The following KCNH1 variants were observed in gnomAD, a reference collection of about 807,000 sequenced individuals.
KCNH1 encodes voltage-gated delayed rectifier potassium channel KCNH1.
KCNH1 carries 27 observed loss-of-function variants against 69.2 expected under a neutral mutation model. The observed-to-expected ratio is 0.39, with a 90% confidence interval of 0.29 to 0.54. The LOEUF is 0.54. KCNH1 is among the 20% of genes least tolerant of loss of function. The pLI is 0.68. For missense variants in KCNH1, 798 were observed against 1,261.6 expected, an observed-to-expected ratio of 0.63 and a Z score of 5.57; for synonymous variants, 456 against 487.7, an observed-to-expected ratio of 0.93 and a Z score of 0.86.
At chr1:211,099,213 TCTC>T (rs1288082650) in intron 3 of KCNH1, among the ~76,000 whole-genome samples, 1 of 152,030 alleles carries the variant, frequency 6.6e-6, no homozygotes, top group Admixed American at 6.5e-5. Context: ...CAAGTCGAAA[TCTC>T]CATTATGTAA....
rs1004781392 is a variant in KCNH1 at position 211,013,017 on chromosome 1, T to C, written c.1032+5766A>G. Among the ~76,000 whole-genome samples the C allele has an allele frequency of 2.0e-5, 3 of 152,170 alleles. No homozygotes were observed. In the South Asian group the frequency reaches 6.2e-4, roughly 32 times the overall value. On this transcript the variant is annotated intron_variant, in intron 6 of 10. Coordinates refer to ENST00000271751, the MANE Select transcript of KCNH1 (RefSeq NM_172362.3). ...GCTACAAGGACTGCCTATACAGTAT[T>C]GTTAGAACTCAAAGGGGAAGAAAAG...
chr1:210,704,309 A>G (rs563581901), intron 10 of KCNH1, among the ~76,000 whole-genome samples: 55 of 152,122 alleles, frequency 3.6e-4, no homozygotes, highest in Admixed American at 7.2e-4. Flanking sequence ...CATTTCTAAT[A>G]ACAATCGCCA....
intron 8 of KCNH1, among the ~76,000 whole-genome samples, chr1:210,800,039 A>T (rs1684399567): frequency 6.6e-6 from 1 of 152,234 alleles, no homozygotes. Context: ...ATCTACCAGT[A>T]CACAGCCTGG....
chr1:210,724,419 G>A (rs896153898), intron 10 of KCNH1, among the ~76,000 whole-genome samples: 1 of 152,040 alleles, frequency 6.6e-6, no homozygotes, highest in Admixed American at 6.6e-5. Context: ...TTAGATTCCA[G>A]GCCTCTGCTC....
chr1:211,077,866 C>T lies in KCNH1; in HGVS notation c.558+4914G>A, dbSNP rs752485264. ...AGTGTGCTATATTCAGGAGACCCAT[C>T]TCACATGCAGAGACACATATAGGCT... On this transcript the variant is annotated intron_variant, in intron 5 of 10. Transcript: ENST00000271751. Among the ~76,000 whole-genome samples, 209 of 152,024 alleles carry T rather than the reference C, an allele frequency of 1.4e-3. 1 individual carries two copies. The highest frequency in any genetic ancestry group is 0.01 in the Middle Eastern group (3 of 294).
intron 7 of KCNH1, among the ~76,000 whole-genome samples, chr1:210,856,846 T>C (rs545929369): frequency 8.4e-6 from 1 of 119,734 alleles, no homozygotes; most frequent in African/African-American, 2.9e-5. Context: ...ATATAAAATA[T>C]ATATGTAACC....
At chr1:210,761,518 C>T (rs1006417245) in intron 10 of KCNH1, among the ~76,000 whole-genome samples, 1 of 152,054 alleles carries the variant, frequency 6.6e-6, no homozygotes, top group African/African-American at 2.4e-5. Flanking sequence ...TGTAATGACA[C>T]CCACAGACTC....
At chr1:210,700,618 T>G (rs1479255388) in intron 10 of KCNH1, among the ~76,000 whole-genome samples, 1 of 152,232 alleles carries the variant, frequency 6.6e-6, no homozygotes, top group Non-Finnish European at 1.5e-5. Context: ...AATCTTTTCC[T>G]AATCCAGCAG....
In KCNH1 at chr1:211,060,139, G is replaced by T. The variant is rs945032810; in HGVS notation, c.558+22641C>A. Among the ~76,000 whole-genome samples, 5 of 151,850 alleles carry T rather than the reference G, an allele frequency of 3.3e-5. No homozygotes were observed. In the South Asian group the frequency reaches 1.0e-3, roughly 32 times the overall value. On this transcript the variant is annotated intron_variant, in intron 5 of 10. Transcript: ENST00000271751. ...AAATATGCTCCTAAATGATCAGCGG[G>T]TCAATGAAGAAATGAAGAAGAAAAT... is the stretch of plus-strand genomic sequence containing the variant.
intron 10 of KCNH1, among the ~76,000 whole-genome samples, chr1:210,725,109 A>T (rs543544875): frequency 2.0e-5 from 3 of 152,166 alleles, no homozygotes; most frequent in African/African-American, 7.2e-5. Context: ...CCTTTCTTCT[A>T]TGTCAGACTG....
intron 6 of KCNH1, among the ~76,000 whole-genome samples, chr1:210,999,577 C>G (rs1326246847): frequency 6.6e-6 from 1 of 152,158 alleles, no homozygotes; most frequent in Admixed American, 6.5e-5. Context: ...CCAAATTCTA[C>G]CAGAGGTACA....
intron 7 of KCNH1, among the ~76,000 whole-genome samples, chr1:210,915,815 A>C (rs945831419): frequency 1.3e-5 from 2 of 152,194 alleles, no homozygotes; most frequent in African/African-American, 4.8e-5. Flanking sequence ...AGATGTTCAG[A>C]GCAGACAGGG....
intron 7 of KCNH1, among the ~76,000 whole-genome samples, chr1:210,875,123 A>G (rs890230967): frequency 1.3e-5 from 2 of 152,242 alleles, no homozygotes; most frequent in Non-Finnish European, 1.5e-5. Context: ...ATTCTTCTCA[A>G]GAAATACAGA....
chr1:210,959,147 A>T (rs1434196799), intron 6 of KCNH1, among the ~76,000 whole-genome samples: 4 of 152,068 alleles, frequency 2.6e-5, no homozygotes, highest in East Asian at 1.9e-4. Flanking sequence ...TCTGTTTGTT[A>T]GTTTTCCTTC....
At chr1:210,997,559 GA>G (rs1435014203) in intron 6 of KCNH1, among the ~76,000 whole-genome samples, 1 of 152,204 alleles carries the variant, frequency 6.6e-6, no homozygotes, top group African/African-American at 2.4e-5. Context: ...AAGTGACAGG[GA>G]GAATGGAACC....
intron 10 of KCNH1, among the ~76,000 whole-genome samples, chr1:210,770,204 G>A (rs1251168875): frequency 6.6e-6 from 1 of 151,990 alleles, no homozygotes; most frequent in African/African-American, 2.4e-5. Flanking sequence ...GCCTGTTTGG[G>A]GTGTGGGGGG....
At chr1:211,028,205 T>G (rs1413194369) in intron 5 of KCNH1, among the ~76,000 whole-genome samples, 1 of 151,970 alleles carries the variant, frequency 6.6e-6, no homozygotes, top group Non-Finnish European at 1.5e-5. Flanking sequence ...ACTTGAAAAC[T>G]ATAAATATCA....
intron 6 of KCNH1, among the ~76,000 whole-genome samples, chr1:211,010,995 C>T (rs1689381226): frequency 6.6e-6 from 1 of 151,814 alleles, no homozygotes; most frequent in Non-Finnish European, 1.5e-5. Flanking sequence ...TTTTTTTAAT[C>T]ATACTTTAAG....
intron 10 of KCNH1, among the ~76,000 whole-genome samples, chr1:210,713,947 C>T (rs913813584): frequency 1.3e-5 from 2 of 152,206 alleles, no homozygotes; most frequent in Admixed American, 1.3e-4. Context: ...CTAGGGTTCA[C>T]ATATTATCCT....
Sources: gnomAD v4.1 joint callset for allele counts (sites outside exome capture counted in the v4.1 genomes callset) on GRCh38, gnomAD v4.1.1 for gene constraint, MANE v1.5 for transcripts, NCBI Gene and HGNC (gene_info 2026-07-23, HGNC 2026-07-21) for gene names.